The following PCDHA3 variants were observed in gnomAD, a reference collection of about 807,000 sequenced individuals.
The protein encoded by PCDHA3 is protocadherin alpha 3.
Under a neutral mutation model 62.2 loss-of-function variants are expected in PCDHA3, and 41 were observed. The ratio of observed to expected loss-of-function variants is 0.66; its 90% CI spans 0.51 to 0.86. The LOEUF is 0.86. Among genes scored for constraint, PCDHA3 ranks in the 40% least tolerant of loss-of-function variants. The pLI, the probability that PCDHA3 is intolerant of heterozygous loss-of-function variation, is 0.00. For synonymous variants in PCDHA3, 640 were observed against 555.4 expected, an observed-to-expected ratio of 1.15 and a Z score of -2.14; for missense variants, 1,304 against 1,241.2, an observed-to-expected ratio of 1.05 and a Z score of -0.76.
chr5:140,971,401 G>A (rs2096476846), intron 1 of PCDHA3, among the ~76,000 whole-genome samples: 1 of 152,164 alleles, frequency 6.6e-6, no homozygotes, highest in Admixed American at 6.5e-5. Context: ...ATTTCTGCCA[G>A]GCACTTTTGG....
In PCDHA3 at chr5:140,830,255, C is replaced by T. The variant is rs142209596; in HGVS notation, c.2394+26664C>T. ...CACGCTACTGCTGTACACAGCGCTG[C>T]GGTGCTCGGCGCCACCCACCGAGGG... On this transcript the variant is annotated intron_variant, in intron 1 of 3. Coordinates refer to ENST00000522353, the MANE Select transcript of PCDHA3 (RefSeq NM_018906.3). 24 of 1,613,502 alleles carry T rather than the reference C, an allele frequency of 1.5e-5. No homozygotes were observed. In the South Asian group the frequency reaches 1.6e-4, roughly 11 times the overall value.
chr5:140,850,440 G>A (rs2150484697), intron 1 of PCDHA3: 3 of 1,598,068 alleles, frequency 1.9e-6, no homozygotes, highest in South Asian at 1.1e-5. Flanking sequence ...GCGCCTACTG[G>A]TGCTGGTGAA....
chr5:140,902,191 C>G (rs1218204978), intron 1 of PCDHA3, among the ~76,000 whole-genome samples: 1 of 147,360 alleles, frequency 6.8e-6, no homozygotes, highest in Non-Finnish European at 1.5e-5. Context: ...TGTCTTCTCT[C>G]TCTCTCTCTT....
chr5:140,883,403 T>C (rs1009539034), intron 1 of PCDHA3: 1 of 1,614,168 alleles, frequency 6.2e-7, no homozygotes, highest in Non-Finnish European at 8.5e-7. Context: ...CGATCGTGAC[T>C]CTGGCTCAAA....
chr5:140,875,688 G>A (rs1554167865), intron 1 of PCDHA3: 7 of 1,614,004 alleles, frequency 4.3e-6, no homozygotes, highest in Non-Finnish European at 4.2e-6. Context: ...AAAGACACGG[G>A]GACCTTCTGG....
At chr5:140,877,970 T>A in intron 1 of PCDHA3, 1 of 1,279,190 alleles carries the variant, frequency 7.8e-7, no homozygotes. Flanking sequence ...TTCTTGGTCA[T>A]TCTTACTCAT....
chr5:140,971,115 G>A (rs1409733667), intron 1 of PCDHA3, among the ~76,000 whole-genome samples: 1 of 152,146 alleles, frequency 6.6e-6, no homozygotes, highest in Non-Finnish European at 1.5e-5. Flanking sequence ...GGATTGGGGT[G>A]GGCTACAGGT....
intron 1 of PCDHA3, chr5:140,883,364 A>T (rs782725621): frequency 6.2e-7 from 1 of 1,614,168 alleles, no homozygotes; most frequent in African/African-American, 1.3e-5. Context: ...CACTCAGCCT[A>T]GCGCCATTAT....
intron 3 of PCDHA3, among the ~76,000 whole-genome samples, chr5:141,008,000 TA>T (rs2098355741): frequency 6.6e-6 from 1 of 152,264 alleles, no homozygotes; most frequent in Non-Finnish European, 1.5e-5. Context: ...TACATGTTAA[TA>T]AACTTCTGTT....
At chr5:140,937,614 C>A (rs561420642) in intron 1 of PCDHA3, among the ~76,000 whole-genome samples, 1 of 149,010 alleles carries the variant, frequency 6.7e-6, no homozygotes, top group Non-Finnish European at 1.5e-5. Flanking sequence ...GATACTCCAT[C>A]TAAAAAGAAA....
intron 1 of PCDHA3, among the ~76,000 whole-genome samples, chr5:140,846,665 C>T (rs1299063371): frequency 3.4e-5 from 5 of 149,130 alleles, no homozygotes; most frequent in East Asian, 3.9e-4. Context: ...TGAGCCACCG[C>T]GCCCAGCCTA....
intron 1 of PCDHA3, among the ~76,000 whole-genome samples, chr5:140,976,868 CAAAG>C (rs1397427113): frequency 6.6e-5 from 10 of 152,120 alleles, no homozygotes; most frequent in African/African-American, 1.2e-4. Flanking sequence ...TACTGTCTGA[CAAAG>C]AAAGAATTAG....
rs782691695 is a variant in PCDHA3, at chr5:140,863,160, G to C, written c.2394+59569G>C. The C allele has an allele frequency of 6.2e-6, 4 of 647,644 alleles. No individual in the cohort carries two copies. The Admixed American group carries it at 7.5e-5, about 12-fold the overall frequency. 40.1% of individuals were successfully genotyped at this position (647,644 alleles called of 1,614,324 possible). A position where few individuals can be genotyped will look rare whatever the true frequency, so the allele number is the denominator to read the frequency against. ...TGGTGCTGGTGAAGGACCACTGCGA[G>C]CTGGCGCTGACTGCCACCGTCACCG... On this transcript the variant is annotated intron_variant, in intron 1 of 3. Transcript: ENST00000522353.
In PCDHA3 at chr5:140,802,881, G is replaced by A. The variant is rs190722768; in HGVS notation, c.1684G>A (p.Ala562Thr). 22 of 1,613,772 alleles carry A rather than the reference G, an allele frequency of 1.4e-5. No individual in the cohort carries two copies. In the Admixed American group the frequency reaches 3.3e-4, roughly 24 times the overall value. ...GTTCGTGCTGGACGAGAACGACAAC[G>A]CGCCGGCACTGCTGATGCCTCGGGT... ...QVFVLDENDN[A>T]PALLMPRVGG... The change falls in exon 1 of 4, where the codon GCG becomes ACG. Residue 562 changes from alanine to threonine, a missense_variant. Coordinates refer to ENST00000522353, the MANE Select transcript of PCDHA3 (RefSeq NM_018906.3).
chr5:140,901,263 G>A (rs967047702), intron 1 of PCDHA3, among the ~76,000 whole-genome samples: 1 of 151,938 alleles, frequency 6.6e-6, no homozygotes, highest in Admixed American at 6.6e-5. Flanking sequence ...GTGATTGTGG[G>A]GTATTACTCA....
rs781849256 is a variant in PCDHA3 at position 140,802,821 on chromosome 5, G to A, written c.1624G>A (p.Val542Met). 3.1e-6 allele frequency: 5 copies of A among 1,613,484 alleles called. No individual in the cohort carries two copies. The highest frequency in any genetic ancestry group is 4.2e-6 in the Non-Finnish European group (5 of 1,179,886). Residue 542 changes from valine to methionine, a missense_variant, in exon 1 of 4, where the codon GTG becomes ATG. By Grantham distance (21) the Val-to-Met change is conservative (BLOSUM62 1). Transcript: ENST00000522353. ...CCAGGTGAGTGCGCGCGATGCGGGC[G>A]TGCCGCCTCTGGGCAGCAACGTGAC... ...QFQVSARDAG[V>M]PPLGSNVTLQ...
At chr5:140,843,042 G>C in intron 1 of PCDHA3, 1 of 1,595,168 alleles carries the variant, frequency 6.3e-7, no homozygotes, top group Non-Finnish European at 8.6e-7. Context: ...GGTGGCACTG[G>C]TGGCGCAGCG....
chr5:140,841,660 G>T (rs2150320374), intron 1 of PCDHA3: 29 of 1,614,122 alleles, frequency 1.8e-5, no homozygotes, highest in Non-Finnish European at 2.5e-5. Context: ...TGGACAGGCC[G>T]CTGCAGGTTT....
At chr5:140,858,413 A>T (rs150984635) in intron 1 of PCDHA3, 1 of 1,562,352 alleles carries the variant, frequency 6.4e-7, no homozygotes. Flanking sequence ...AGATCAGTCT[A>T]TTGGAGGGGA....
Sources: gnomAD v4.1 joint callset for allele counts (sites outside exome capture counted in the v4.1 genomes callset) on GRCh38, gnomAD v4.1.1 for gene constraint, MANE v1.5 for transcripts, NCBI Gene and HGNC (gene_info 2026-07-23, HGNC 2026-07-21) for gene names.